Variants in SBNO1 observed in about 807,000 individuals in gnomAD.
SBNO1 encodes the protein protein strawberry notch homolog 1.
A neutral mutation model predicts 173.6 loss-of-function variants in SBNO1; 23 were observed. The observed-to-expected ratio is 0.13, with a 90% CI of 0.10 to 0.19. The LOEUF is 0.19. Ranked by LOEUF, SBNO1 falls within the 10% of genes least tolerant of loss-of-function variation. SBNO1 has a pLI of 1.00. For synonymous variants in SBNO1, 632 were observed against 571.5 expected, an observed-to-expected ratio of 1.11 and a Z score of -1.51; for missense variants, 1,238 against 1,671.2, an observed-to-expected ratio of 0.74 and a Z score of 4.52.
intron 1 of SBNO1, among the ~76,000 whole-genome samples, chr12:123,357,734 A>G (rs1203001208): frequency 6.6e-6 from 1 of 152,182 alleles, no homozygotes; most frequent in Non-Finnish European, 1.5e-5. Context: ...CAACCTGGCG[A>G]AAGAGGAGAC....
At chr12:123,348,340 T>A (rs1452792771) in intron 2 of SBNO1, among the ~76,000 whole-genome samples, 1 of 152,238 alleles carries the variant, frequency 6.6e-6, no homozygotes, top group Non-Finnish European at 1.5e-5. Context: ...AACATTTTTG[T>A]AGGCCGGGAG....
At chr12:123,348,983 C>CT (rs71085890) in intron 2 of SBNO1, 47,219 of 129,054 alleles carry the variant, frequency 0.37, 10,470 homozygotes, top group African/African-American at 0.64. Context: ...TTTTTTTAGT[C>CT]TTTTTTTTTT....
chr12:123,299,709 C>T (rs928095443), intron 30 of SBNO1, among the ~76,000 whole-genome samples: 1 of 121,144 alleles, frequency 8.3e-6, no homozygotes, highest in Non-Finnish European at 1.9e-5. Context: ...ACAAAAAAGC[C>T]AAGTGTGTTG....
Position 123,348,143 on chromosome 12 carries a change from AAAC to A in SBNO1, c.133-13_133-11del, listed in dbSNP as rs1298368328. On this transcript the variant is annotated splice_polypyrimidine_tract_variant and intron_variant, in intron 2 of 31. Transcript: ENST00000602398. Reference sequence around the variant, plus strand: ...CACTAAGTGGCACTGACTGGAGAGAAAACAACATCAGACAAAAAATAAAAGGAC... The same window carrying A: ...CACTAAGTGGCACTGACTGGAGAGAAAACATCAGACAAAAAATAAAAGGAC... 5.5e-6 allele frequency: 8 copies of A among 1,455,694 alleles called. No homozygotes were observed. In the African/African-American group the frequency reaches 7.1e-5, roughly 13 times the overall value. The allele number at this position is 1,455,694 out of a possible 1,614,324, so 90.2% of individuals were successfully genotyped here.
intron 5 of SBNO1, among the ~76,000 whole-genome samples, chr12:123,336,732 C>T (rs1186830148): frequency 6.6e-6 from 1 of 152,216 alleles, no homozygotes; most frequent in Non-Finnish European, 1.5e-5. Context: ...GACTCCACGT[C>T]CTTCCGGCCA....
chr12:123,322,981 C>A (rs1440833209), intron 16 of SBNO1, among the ~76,000 whole-genome samples: 1 of 152,108 alleles, frequency 6.6e-6, no homozygotes, highest in East Asian at 1.9e-4. Flanking sequence ...AATACAAAGA[C>A]ACAGGTTTTA....
At chr12:123,338,750 G>A (rs1414498245) in intron 5 of SBNO1, among the ~76,000 whole-genome samples, 1 of 152,050 alleles carries the variant, frequency 6.6e-6, no homozygotes, top group South Asian at 2.1e-4. Context: ...GGGGGCGCCT[G>A]TAATCCCAGC....
intron 23 of SBNO1, among the ~76,000 whole-genome samples, chr12:123,314,607 G>A (rs1172433607): frequency 5.9e-5 from 9 of 151,636 alleles, no homozygotes; most frequent in African/African-American, 1.9e-4. Flanking sequence ...GATTACAGGC[G>A]TGAGCCACTG....
chr12:123,303,606 G>C (rs2048845736), intron 29 of SBNO1, among the ~76,000 whole-genome samples: 1 of 152,000 alleles, frequency 6.6e-6, no homozygotes, highest in Non-Finnish European at 1.5e-5. Context: ...CCAAGATCGC[G>C]CCACTACACT....
intron 1 of SBNO1, among the ~76,000 whole-genome samples, chr12:123,362,056 T>C (rs1383558101): frequency 6.6e-6 from 1 of 150,418 alleles, no homozygotes; most frequent in East Asian, 2.0e-4. Context: ...GAATAACCGT[T>C]TTAACCCAGG....
chr12:123,327,099 G>A (rs1255087456), intron 13 of SBNO1, among the ~76,000 whole-genome samples: 1 of 152,084 alleles, frequency 6.6e-6, no homozygotes, highest in Non-Finnish European at 1.5e-5. Flanking sequence ...TCCGCCTCCT[G>A]GGTTCAAGCG....
chr12:123,300,385 C>T (rs572633492), intron 30 of SBNO1, among the ~76,000 whole-genome samples: 1 of 152,236 alleles, frequency 6.6e-6, no homozygotes, highest in African/African-American at 2.4e-5. Flanking sequence ...AGGCCAGGCG[C>T]AGTGGCTCAA....
chr12:123,359,889 G>C (rs766709192), intron 1 of SBNO1, among the ~76,000 whole-genome samples: 8 of 151,950 alleles, frequency 5.3e-5, no homozygotes, highest in Non-Finnish European at 1.0e-4. Context: ...AAAACTTTAG[G>C]ATTACATCAT....
chr12:123,307,489 A>T lies in SBNO1; in HGVS notation c.3630+1821T>A, dbSNP rs188956021. On this transcript the variant is annotated intron_variant, in intron 28 of 31. Coordinates refer to ENST00000602398, the MANE Select transcript of SBNO1 (RefSeq NM_001167856.3). ...CCTGCCCTAGATCATTTATGACTTC[A>T]TCCTGCCTGTGCCATCATCATACAT... Among the ~76,000 whole-genome samples the T allele has an allele frequency of 4.8e-3, 725 of 152,346 alleles. 5 individuals carry two copies. Among genetic ancestry groups the T allele is most frequent in the African/African-American group, 0.017 (699 of 41,584 alleles).
intron 28 of SBNO1, 53 bp from the exon 29 acceptor site, chr12:123,304,772 CAT>C: frequency 8.5e-7 from 1 of 1,182,478 alleles, no homozygotes; most frequent in Non-Finnish European, 1.2e-6. Flanking sequence ...CACTTTAAGA[CAT>C]GTTTCTGTAC....
chr12:123,309,502 A>C lies in SBNO1; in HGVS notation c.3524T>G (p.Val1175Gly). 2 of 1,612,990 alleles carry C rather than the reference A, an allele frequency of 1.2e-6. No homozygotes were observed. Among genetic ancestry groups the C allele is most frequent in the Non-Finnish European group, 1.7e-6 (2 of 1,178,948 alleles). The change falls in exon 27 of 32, where the codon GTA becomes GGA. Residue 1175 changes from valine to glycine, a missense_variant. Val to Gly is a moderately radical substitution (Grantham distance 109). Coordinates refer to ENST00000602398, the MANE Select transcript of SBNO1 (RefSeq NM_001167856.3). ...LTPGYSTSGH[V>G]ELYTISVERG... ...TTCTAAACTTACTGTGTATAATTCTACGTGGCCAGAGGTTGAATATCCTGG... is the reference window on the plus strand; with the variant it reads ...TTCTAAACTTACTGTGTATAATTCTCCGTGGCCAGAGGTTGAATATCCTGG...
At chr12:123,300,913 C>T (rs554192156) in intron 30 of SBNO1, among the ~76,000 whole-genome samples, 5 of 147,684 alleles carry the variant, frequency 3.4e-5, no homozygotes, top group African/African-American at 5.0e-5. Flanking sequence ...GAGCTGAGAT[C>T]GTGCCACTGC....
intron 5 of SBNO1, among the ~76,000 whole-genome samples, chr12:123,338,928 C>A (rs1872213843): frequency 8.5e-6 from 1 of 117,968 alleles, no homozygotes; most frequent in African/African-American, 3.2e-5. Flanking sequence ...CCCCCCCTCC[C>A]CGACTAGTTT....
chr12:123,324,557 C>A (rs908074186), intron 15 of SBNO1, among the ~76,000 whole-genome samples: 1 of 151,636 alleles, frequency 6.6e-6, no homozygotes, highest in Non-Finnish European at 1.5e-5. Flanking sequence ...CCTGAGCTCT[C>A]GTGATCCACC....
Sources: gnomAD v4.1 joint callset for allele counts (sites outside exome capture counted in the v4.1 genomes callset) on GRCh38, gnomAD v4.1.1 for gene constraint, MANE v1.5 for transcripts, NCBI Gene and HGNC (gene_info 2026-07-23, HGNC 2026-07-21) for gene names.